Variants in CRKL observed in about 807,000 individuals in gnomAD.
The protein encoded by CRKL is crk-like protein.
Under a neutral mutation model 23.0 loss-of-function variants are expected in CRKL, and 3 were observed. The observed-to-expected ratio is 0.13, with a 90% CI of 0.06 to 0.34. The LOEUF (loss-of-function observed/expected upper bound fraction) is 0.34. Among genes scored for constraint, CRKL ranks in the 10% least tolerant of loss-of-function variants. CRKL has a pLI of 1.00. For synonymous variants in CRKL, 188 were observed against 160.7 expected (o/e 1.17, Z -1.28); for missense variants, 256 against 394.5 (o/e 0.65, Z 2.97).
intron 2 of CRKL, among the ~76,000 whole-genome samples, chr22:20,943,999 C>T (rs1675530497): frequency 6.6e-6 from 1 of 151,832 alleles, no homozygotes; most frequent in South Asian, 2.1e-4. Context: ...TGATGCTTTT[C>T]AAGGTTGTTT....
chr22:20,953,586 CTT>C lies in CRKL; in HGVS notation c.*3742_*3743del, dbSNP rs1222082314. On this transcript the variant is annotated 3_prime_UTR_variant, in exon 3 of 3. Coordinates refer to ENST00000354336, the MANE Select transcript of CRKL (RefSeq NM_005207.4). ...CTATAAAATTAACAGTATTAAATGACTTATATTCTTAGAATACATCGAGTGTC... is the reference window on the plus strand; with the variant it reads ...CTATAAAATTAACAGTATTAAATGACATATTCTTAGAATACATCGAGTGTC... 2 of 217,864 alleles carry C rather than the reference CTT, an allele frequency of 9.2e-6. No homozygotes were observed. The highest frequency in any genetic ancestry group is 1.8e-5 in the Non-Finnish European group (2 of 108,418). 13.5% of individuals were successfully genotyped at this position (217,864 alleles called of 1,614,324 possible).
At chr22:20,948,531 A>G (rs1922152772) in intron 2 of CRKL, among the ~76,000 whole-genome samples, 1 of 152,198 alleles carries the variant, frequency 6.6e-6, no homozygotes, top group South Asian at 2.1e-4. Context: ...TTGGAAGGAA[A>G]CTGAGACTTG....
At chr22:20,934,852 C>T (rs1314116128) in intron 2 of CRKL, among the ~76,000 whole-genome samples, 2 of 120,470 alleles carry the variant, frequency 1.7e-5, no homozygotes, top group South Asian at 2.6e-4. Context: ...CTCACTCTGT[C>T]GCCCAGGCTG....
Position 20,949,958 on chromosome 22 carries a change from T to C in CRKL, c.*113T>C. 1.4e-6 allele frequency: 2 copies of C among 1,400,570 alleles called. No homozygotes were observed. The highest frequency in any genetic ancestry group is 1.9e-6 in the Non-Finnish European group (2 of 1,048,302). 86.8% of individuals were successfully genotyped at this position (1,400,570 alleles called of 1,614,324 possible). Reference sequence around the variant, plus strand: ...TCACACTGCATTGCCGAAGTCCAGCTTTCTGCAGACTGGCAGTCGCACACA... The same window carrying C: ...TCACACTGCATTGCCGAAGTCCAGCCTTCTGCAGACTGGCAGTCGCACACA... On this transcript the variant is annotated 3_prime_UTR_variant, in exon 3 of 3. Transcript: ENST00000354336.
At chr22:20,920,456 C>T (rs1015693005) in intron 1 of CRKL, among the ~76,000 whole-genome samples, 54 of 151,408 alleles carry the variant, frequency 3.6e-4, no homozygotes, top group African/African-American at 1.1e-3. Context: ...GAGCCGAGAT[C>T]GCGCCACTGC....
chr22:20,930,655 C>G (rs994232281), intron 1 of CRKL, among the ~76,000 whole-genome samples: 3 of 143,482 alleles, frequency 2.1e-5, no homozygotes, highest in African/African-American at 7.8e-5. Flanking sequence ...GTTGGGATTA[C>G]AGGCGTGAGC....
rs763897430 is a variant in CRKL at position 20,951,130 on chromosome 22, G to A, written c.*1285G>A. 3 of 232,126 alleles carry A rather than the reference G, an allele frequency of 1.3e-5. No individual in the cohort carries two copies. Among genetic ancestry groups the A allele is most frequent in the East Asian group, 6.1e-5 (1 of 16,448 alleles). 14.4% of individuals were successfully genotyped at this position (232,126 alleles called of 1,614,324 possible). A position where few individuals can be genotyped will look rare whatever the true frequency, so the allele number is the denominator to read the frequency against. On this transcript the variant is annotated 3_prime_UTR_variant, in exon 3 of 3. Transcript: ENST00000354336. ...GACTTAAACTTCCTTAAAAAGTGGC[G>A]TTGTTCATAGAATCGTTGGACTCAT... is the stretch of plus-strand genomic sequence containing the variant.
intron 2 of CRKL, among the ~76,000 whole-genome samples, chr22:20,937,979 C>G (rs1035745740): frequency 6.6e-6 from 1 of 152,120 alleles, no homozygotes; most frequent in East Asian, 1.9e-4. Flanking sequence ...AAGCGATTCT[C>G]ATGCCTCAGC....
Position 20,949,707 on chromosome 22 carries a change from A to G in CRKL, c.778-4A>G. 6.2e-7 allele frequency: 1 copy of G among 1,610,786 alleles called. No homozygotes were observed. The highest frequency in any genetic ancestry group is 8.5e-7 in the Non-Finnish European group (1 of 1,179,152). On this transcript the variant is annotated splice_polypyrimidine_tract_variant and splice_region_variant and intron_variant, in intron 2 of 2. Coordinates refer to ENST00000354336, the MANE Select transcript of CRKL (RefSeq NM_005207.4). ...TGCTAACTTTGTCTTCTTCATCCAT[A>G]CAGGTTGGTGACATCGTGAAAGTCA... is the stretch of plus-strand genomic sequence containing the variant.
At position 20,924,741 on chromosome 22, in the gene CRKL, A is replaced by C. The variant is rs570804146; in HGVS notation, c.311+6496A>C. Among the ~76,000 whole-genome samples, 9 of 152,206 alleles carry C rather than the reference A, an allele frequency of 5.9e-5. No individual in the cohort carries two copies. The East Asian group carries it at 1.7e-3, about 29-fold the overall frequency. ...ATGGCGGCGTGTGCCTAAGAGGCTA[A>C]AGGCAGGAGAATCACTTGAACCTGG... On this transcript the variant is annotated intron_variant, in intron 1 of 2. Coordinates refer to ENST00000354336, the MANE Select transcript of CRKL (RefSeq NM_005207.4).
chr22:20,920,457 G>C, intron 1 of CRKL, among the ~76,000 whole-genome samples: 1 of 151,596 alleles, frequency 6.6e-6, no homozygotes, highest in Non-Finnish European at 1.5e-5. Flanking sequence ...AGCCGAGATC[G>C]CGCCACTGCA....
intron 1 of CRKL, among the ~76,000 whole-genome samples, chr22:20,932,618 C>A (rs1037052268): frequency 2.6e-5 from 4 of 152,020 alleles, no homozygotes; most frequent in African/African-American, 9.7e-5. Context: ...TAAATTTAAA[C>A]CAGGTATCTC....
Position 20,944,780 on chromosome 22 carries a change from C to T in CRKL, c.778-4931C>T, listed in dbSNP as rs552745731. Among the ~76,000 whole-genome samples, 5 of 151,742 alleles carry T rather than the reference C, an allele frequency of 3.3e-5. No individual in the cohort carries two copies. In the South Asian group the frequency reaches 1.0e-3, roughly 32 times the overall value. ...TTTTCTTCTTGGAGACAGAGCCTCA[C>T]TCCCGCTCCATTGCCCAGGCTAGAG... On this transcript the variant is annotated intron_variant, in intron 2 of 2. Coordinates refer to ENST00000354336, the MANE Select transcript of CRKL (RefSeq NM_005207.4).
At chr22:20,935,415 A>G (rs759319683) in intron 2 of CRKL, among the ~76,000 whole-genome samples, 7 of 152,042 alleles carry the variant, frequency 4.6e-5, no homozygotes, top group Non-Finnish European at 1.0e-4. Flanking sequence ...GCCCAGCCAT[A>G]GAGGAATGAT....
chr22:20,931,589 G>A (rs938717594), intron 1 of CRKL, among the ~76,000 whole-genome samples: 1 of 152,086 alleles, frequency 6.6e-6, no homozygotes, highest in East Asian at 1.9e-4. Context: ...CTCATTATGA[G>A]TGAAGAGTTT....
intron 1 of CRKL, among the ~76,000 whole-genome samples, chr22:20,920,515 A>G (rs1920980625): frequency 6.6e-6 from 1 of 152,028 alleles, no homozygotes; most frequent in Non-Finnish European, 1.5e-5. Context: ...AAAAAAGGAA[A>G]AAGTTAATGA....
intron 1 of CRKL, among the ~76,000 whole-genome samples, chr22:20,925,501 C>T (rs541865900): frequency 4.6e-5 from 7 of 152,300 alleles, no homozygotes; most frequent in Admixed American, 4.6e-4. Context: ...GTCAACAGAG[C>T]GAGACTTCGT....
Position 20,950,748 on chromosome 22 carries a change from G to A in CRKL, c.*903G>A. 4.5e-6 allele frequency: 1 copy of A among 224,408 alleles called. No individual in the cohort carries two copies. Among genetic ancestry groups the A allele is most frequent in the Non-Finnish European group, 8.9e-6 (1 of 112,622 alleles). The allele number at this position is 224,408 out of a possible 1,614,324, so 13.9% of individuals were successfully genotyped here. A position where few individuals can be genotyped will look rare whatever the true frequency, so the allele number is the denominator to read the frequency against. On this transcript the variant is annotated 3_prime_UTR_variant, in exon 3 of 3. Transcript: ENST00000354336. The stretch of plus-strand genomic sequence containing the variant: ...GTGTTCTAAACAGGTTAAGTAGCAG[G>A]TTGGGTTTTTATGATAGTGCAAGGA...
At chr22:20,929,214 G>C (rs1921347062) in intron 1 of CRKL, among the ~76,000 whole-genome samples, 1 of 152,030 alleles carries the variant, frequency 6.6e-6, no homozygotes, top group African/African-American at 2.4e-5. Flanking sequence ...ACCCAGACTG[G>C]AGTGCAGTGG....
Sources: allele counts gnomAD v4.1 joint callset (sites outside exome capture counted in the v4.1 genomes callset), GRCh38; gene constraint gnomAD v4.1.1; transcripts MANE v1.5; gene names NCBI Gene and HGNC (gene_info 2026-07-23, HGNC 2026-07-21).